Variants in PIGS observed in about 807,000 individuals in gnomAD.
PIGS encodes phosphatidylinositol glycan anchor biosynthesis class S.
In PIGS, 37 loss-of-function variants were observed where a neutral mutation model predicts 58.2. That is an observed-to-expected ratio of 0.64 (90% confidence interval 0.49 to 0.84). PIGS has a LOEUF of 0.84. Among genes scored for constraint, PIGS ranks in the 40% least tolerant of loss-of-function variants. The probability of loss-of-function intolerance (pLI) is 0.00; values close to 1 mark genes in which losing one functional copy is unlikely to be tolerated. For synonymous variants in PIGS, 269 were observed against 289.2 expected, an observed-to-expected ratio of 0.93 and a Z score of 0.71; for missense variants, 629 against 710.8, an observed-to-expected ratio of 0.88 and a Z score of 1.31.
intron 5 of PIGS, among the ~76,000 whole-genome samples, chr17:28,562,347 T>G (rs1009182693): frequency 6.6e-6 from 1 of 152,256 alleles, no homozygotes; most frequent in Non-Finnish European, 1.5e-5. Flanking sequence ...CACACCGTGC[T>G]ACTGCACTGC....
chr17:28,569,264 G>A (rs988171807), intron 3 of PIGS, among the ~76,000 whole-genome samples: 1 of 151,516 alleles, frequency 6.6e-6, no homozygotes. Flanking sequence ...CCAGGAGCTC[G>A]AGACCAGCCT....
At chr17:28,562,079 C>T (rs2070367802) in intron 5 of PIGS, among the ~76,000 whole-genome samples, 1 of 152,186 alleles carries the variant, frequency 6.6e-6, no homozygotes, top group Admixed American at 6.5e-5. Context: ...TATGTTTATA[C>T]AATGATACAT....
rs1468436195 is a variant in PIGS at position 28,571,446 on chromosome 17, C to A, written c.34+17G>T. ...CCATCAGCTAGCTGCAGGCCCCCCA[C>A]CCGAAGCCCACCGCACCTAGGTGTG... On this transcript the variant is annotated intron_variant, in intron 1 of 11. Transcript: ENST00000308360. The A allele has an allele frequency of 6.2e-7, 1 of 1,609,890 alleles. No individual in the cohort carries two copies. The highest frequency in any genetic ancestry group is 1.1e-5 in the South Asian group (1 of 90,384).
rs774259493 is a variant in PIGS at position 28,554,884 on chromosome 17, G to A, written c.1359C>T (p.Ser453=). The A allele has an allele frequency of 4.0e-5, 65 of 1,614,040 alleles. No homozygotes were observed. In the Admixed American group the frequency reaches 1.0e-3, roughly 26 times the overall value. The change falls in exon 11 of 12, where the codon AGC becomes AGT. Residue 453 remains serine (S), a synonymous_variant. Coordinates refer to ENST00000308360, the MANE Select transcript of PIGS (RefSeq NM_033198.4). The part of the protein sequence containing the change: ...TSLAQLLGKI[S]NIVIKDDVAS... ...CCACGTCGTCCTTAATGACAATGTT[G>A]CTGATCTTGCCCAGAAGCTGCGCCA...
rs1412776331 is a variant in PIGS at position 28,561,409 on chromosome 17, C to T, written c.676+13G>A. The T allele has an allele frequency of 6.2e-7, 1 of 1,613,624 alleles. No individual in the cohort carries two copies. Among genetic ancestry groups the T allele is most frequent in the East Asian group, 2.2e-5 (1 of 44,886 alleles). ...TTTCCTCTCCCTTCATGTGGCAGAGCCTGGTGCCCTACCCAAGCTGGACTT... is the reference window on the plus strand; with the variant it reads ...TTTCCTCTCCCTTCATGTGGCAGAGTCTGGTGCCCTACCCAAGCTGGACTT... On this transcript the variant is annotated intron_variant, in intron 6 of 11. Coordinates refer to ENST00000308360, the MANE Select transcript of PIGS (RefSeq NM_033198.4).
At chr17:28,558,845 C>G (rs942052293) in intron 7 of PIGS, among the ~76,000 whole-genome samples, 3 of 152,176 alleles carry the variant, frequency 2.0e-5, no homozygotes, top group Non-Finnish European at 4.4e-5. Flanking sequence ...AAACAAAGAA[C>G]AGCATAATTC....
intron 3 of PIGS, among the ~76,000 whole-genome samples, chr17:28,570,516 A>T (rs1412810196): frequency 6.6e-6 from 1 of 152,210 alleles, no homozygotes; most frequent in Non-Finnish European, 1.5e-5. Flanking sequence ...GTCTCAAAAT[A>T]TAATAAATAA....
At chr17:28,557,905 T>C (rs1469435001) in intron 8 of PIGS, among the ~76,000 whole-genome samples, 2 of 152,234 alleles carry the variant, frequency 1.3e-5, no homozygotes, top group African/African-American at 2.4e-5. Context: ...TTTAGGGAGA[T>C]AGACCCAGCC....
rs2070334234 is a variant in PIGS, at chr17:28,556,970, A to G, written c.937T>C (p.Ser313Pro). 1.2e-6 allele frequency: 2 copies of G among 1,614,046 alleles called. No homozygotes were observed. The highest frequency in any genetic ancestry group is 1.7e-6 in the Non-Finnish European group (2 of 1,179,972). Residue 313 changes from serine to proline, a missense_variant and splice_region_variant, in exon 9 of 12, where the codon TCC (serine) becomes CCC (proline). Transcript: ENST00000308360. ...VINPVESRLG[S>P]SAASLYPVLN... ...ACAGGGTACAAGGAGGCAGCACTGG[A>G]TCCTGTGGTATAAAGGGAAAGCAGA...
intron 3 of PIGS, among the ~76,000 whole-genome samples, chr17:28,564,550 C>T (rs1161348878): frequency 6.6e-6 from 1 of 151,930 alleles, no homozygotes; most frequent in Admixed American, 6.6e-5. Flanking sequence ...CCCATCTCTA[C>T]CAAAAATACA....
In PIGS at chr17:28,561,646, G is replaced by A; in HGVS notation, c.469-17C>T. 6.2e-7 allele frequency: 1 copy of A among 1,601,340 alleles called. No individual in the cohort carries two copies. Among genetic ancestry groups the A allele is most frequent in the Non-Finnish European group, 8.5e-7 (1 of 1,172,838 alleles). Reference sequence around the variant, plus strand: ...CATCATGTCCTGTGGGGGTGAGCAAGAGACAGAATGCCCATGGCTCAGAAA... The same window carrying A: ...CATCATGTCCTGTGGGGGTGAGCAAAAGACAGAATGCCCATGGCTCAGAAA... On this transcript the variant is annotated splice_polypyrimidine_tract_variant and intron_variant, in intron 5 of 11. Transcript: ENST00000308360.
rs1567618299 is a variant in PIGS at position 28,570,911 on chromosome 17, AG to A, written c.226del (p.Leu76TrpfsTer19). Reference protein sequence around the residue: ...TVVFTRESVPLDDQEKLPFTV... With the variant: ...TVVFTRESVPXDDQEKLPFTV... Reference sequence around the variant, plus strand: ...GAAGGGCAGCTTCTCCTGGTCGTCCAGGGGCACTGACTCCCGCGTAAACACG... The same window carrying A: ...GAAGGGCAGCTTCTCCTGGTCGTCCAGGGCACTGACTCCCGCGTAAACACG... On this transcript the variant is annotated frameshift_variant, in exon 3 of 12. Transcript: ENST00000308360. LOFTEE classifies it high-confidence loss of function. The A allele has an allele frequency of 6.2e-7, 1 of 1,614,246 alleles. No homozygotes were observed. The highest frequency in any genetic ancestry group is 8.5e-7 in the Non-Finnish European group (1 of 1,180,046).
At chr17:28,561,343 G>T (rs2151512993) in intron 6 of PIGS, 79 bp downstream of exon 6, 2 of 1,307,564 alleles carry the variant, frequency 1.5e-6, no homozygotes, top group South Asian at 2.8e-5. Flanking sequence ...AAAGGAGAAA[G>T]AAGTTGGCAT....
At chr17:28,569,921 G>A (rs1457681669) in intron 3 of PIGS, among the ~76,000 whole-genome samples, 4 of 152,212 alleles carry the variant, frequency 2.6e-5, no homozygotes, top group South Asian at 2.1e-4. Context: ...ACTGTCTCAT[G>A]CTATTAACTT....
chr17:28,556,710 C>T, intron 9 of PIGS, 117 bp downstream of exon 9: 2 of 1,353,158 alleles, frequency 1.5e-6, no homozygotes, highest in Non-Finnish European at 2.0e-6. Flanking sequence ...GGTGCCTGCC[C>T]CTCCCACAGG....
intron 4 of PIGS, 100 bp from the exon 5 acceptor site, chr17:28,563,622 G>A: frequency 7.8e-7 from 1 of 1,279,712 alleles, no homozygotes; most frequent in Non-Finnish European, 1.1e-6. Context: ...ACATTCAGCT[G>A]ACACAGTGGT....
intron 10 of PIGS, chr17:28,555,964 G>A (rs147146912): frequency 7.9e-4 from 426 of 541,492 alleles, no homozygotes; most frequent in African/African-American, 7.4e-3. Context: ...GCAAGACTCC[G>A]TCTCAAAAAA....
intron 8 of PIGS, chr17:28,557,499 G>A (rs1429094565): frequency 6.4e-6 from 1 of 157,170 alleles, no homozygotes; most frequent in Non-Finnish European, 1.4e-5. Context: ...TCACTTGTCT[G>A]CATCTAAGCT....
intron 1 of PIGS, 93 bp from the exon 2 acceptor site, chr17:28,571,281 G>A (rs2070427527): frequency 1.3e-6 from 2 of 1,542,336 alleles, no homozygotes; most frequent in Non-Finnish European, 1.8e-6. Flanking sequence ...CCGGCCTCCA[G>A]GGGCCCGCGT....
Sources: allele counts gnomAD v4.1 joint callset (sites outside exome capture counted in the v4.1 genomes callset), GRCh38; gene constraint gnomAD v4.1.1; transcripts MANE v1.5; gene names NCBI Gene and HGNC (gene_info 2026-07-23, HGNC 2026-07-21).